PLCL1: variants seen among roughly 807,000 people sequenced by gnomAD.
PLCL1 encodes the protein phospholipase C like 1 (inactive).
PLCL1 carries 41 observed loss-of-function variants against 84.4 expected under a neutral mutation model. The observed-to-expected ratio is 0.49, with a 90% CI of 0.38 to 0.63. The LOEUF (loss-of-function observed/expected upper bound fraction) is 0.63, where lower values mean the gene tolerates loss of function less well. PLCL1 is among the 30% of genes least tolerant of loss of function. The probability of loss-of-function intolerance (pLI) is 0.00; values close to 1 mark genes in which losing one functional copy is unlikely to be tolerated. For missense variants in PLCL1, 1,206 were observed against 1,367.8 expected (o/e 0.88, Z 1.87); for synonymous variants, 490 against 488.3 (o/e 1.00, Z -0.05).
intron 1 of PLCL1, among the ~76,000 whole-genome samples, chr2:198,053,663 C>T (rs907219815): frequency 1.4e-4 from 22 of 152,106 alleles, no homozygotes; most frequent in Admixed American, 5.9e-4. Flanking sequence ...CAGTCCATTT[C>T]GGTAATCTAG....
chr2:198,135,058 G>C (rs1264297087), intron 5 of PLCL1, among the ~76,000 whole-genome samples: 1 of 152,114 alleles, frequency 6.6e-6, no homozygotes, highest in Non-Finnish European at 1.5e-5. Flanking sequence ...TAACTATCTT[G>C]ATAGCCTTTG....
intron 3 of PLCL1, among the ~76,000 whole-genome samples, chr2:198,097,375 C>CT (rs368254121): frequency 5.3e-5 from 8 of 151,716 alleles, no homozygotes; most frequent in African/African-American, 1.5e-4. Context: ...TTCAGGTTGG[C>CT]TTTTTTTTGT....
chr2:197,822,847 GA>G (rs1316169953), intron 1 of PLCL1, among the ~76,000 whole-genome samples: 1 of 151,818 alleles, frequency 6.6e-6, no homozygotes, highest in African/African-American at 2.4e-5. Flanking sequence ...TGTTTTTCTG[GA>G]AAAAAATACA....
chr2:198,057,666 G>C (rs1692100398), intron 1 of PLCL1, among the ~76,000 whole-genome samples: 1 of 152,134 alleles, frequency 6.6e-6, no homozygotes, highest in African/African-American at 2.4e-5. Context: ...AGATCTGCCT[G>C]ACAAAGTCTA....
intron 1 of PLCL1, among the ~76,000 whole-genome samples, chr2:197,898,961 C>T (rs1197698270): frequency 6.6e-6 from 1 of 152,132 alleles, no homozygotes; most frequent in Non-Finnish European, 1.5e-5. Flanking sequence ...TTCTTATTGC[C>T]ATCACCTCAA....
rs1384578048 is a variant in PLCL1, at chr2:198,005,914, A to G, written c.241-77844A>G. On this transcript the variant is annotated intron_variant, in intron 1 of 5. Coordinates refer to ENST00000428675, the MANE Select transcript of PLCL1 (RefSeq NM_006226.4). ...TCCTTTTCTAATTAAAAAAATGGGG[A>G]CATCCACATCTTGATAACACAGTTA... is the stretch of plus-strand genomic sequence containing the variant. 7.2e-5 allele frequency among the ~76,000 whole-genome samples: 11 copies of G among 152,314 alleles called. No individual in the cohort carries two copies. The South Asian group carries it at 8.3e-4, about 11-fold the overall frequency.
At chr2:197,908,461 T>G (rs1319684194) in intron 1 of PLCL1, among the ~76,000 whole-genome samples, 1 of 152,258 alleles carries the variant, frequency 6.6e-6, no homozygotes, top group Non-Finnish European at 1.5e-5. Flanking sequence ...CCAGTGATCC[T>G]TTTGATGTCT....
chr2:198,084,788 G>A lies in PLCL1; in HGVS notation c.1271G>A (p.Gly424Glu). 2 of 1,614,036 alleles carry A rather than the reference G, an allele frequency of 1.2e-6. No individual in the cohort carries two copies. The highest frequency in any genetic ancestry group is 1.7e-6 in the Non-Finnish European group (2 of 1,179,964). ...NTYLIEDQFR[G>E]PADINGYIRA... is the part of the protein sequence containing the mutation. ...TATCTAATAGAAGACCAGTTCAGGG[G>A]GCCAGCTGACATCAATGGGTACATT... Residue 424 changes from glycine (G) to glutamate (E), a missense_variant, in exon 2 of 6, where the codon GGG (glycine) becomes GAG (glutamate). Transcript: ENST00000428675.
At chr2:198,101,233 A>C (rs1448546530) in intron 3 of PLCL1, 52 bp from the exon 4 acceptor site, 12 of 1,052,834 alleles carry the variant, frequency 1.1e-5, no homozygotes, top group African/African-American at 3.2e-5. Flanking sequence ...CTTCCCAATG[A>C]GCCAGTTCAA....
rs545712939 is a variant in PLCL1, at chr2:197,893,016, T to C, written c.240+87677T>C. The stretch of plus-strand genomic sequence containing the variant: ...CAAAACAAAAAACAACAAAAAAACC[T>C]GAAAAACGCTTTTGAGTAGGAGGAA... On this transcript the variant is annotated intron_variant, in intron 1 of 5. Coordinates refer to ENST00000428675, the MANE Select transcript of PLCL1 (RefSeq NM_006226.4). Among the ~76,000 whole-genome samples, 4 of 152,150 alleles carry C rather than the reference T, an allele frequency of 2.6e-5. No homozygotes were observed. In the South Asian group the frequency reaches 8.3e-4, roughly 32 times the overall value.
At chr2:197,882,026 T>A (rs933448350) in intron 1 of PLCL1, among the ~76,000 whole-genome samples, 1 of 152,160 alleles carries the variant, frequency 6.6e-6, no homozygotes, top group East Asian at 1.9e-4. Context: ...TGGTTTTGAA[T>A]AAATGAATGA....
chr2:197,920,660 C>G (rs1688683724), intron 1 of PLCL1, among the ~76,000 whole-genome samples: 1 of 152,132 alleles, frequency 6.6e-6, no homozygotes, highest in African/African-American at 2.4e-5. Flanking sequence ...CAGACAGTGT[C>G]TAGTGTAAAA....
At chr2:197,904,842 A>G (rs1315740090) in intron 1 of PLCL1, among the ~76,000 whole-genome samples, 2 of 152,216 alleles carry the variant, frequency 1.3e-5, no homozygotes, top group African/African-American at 4.8e-5. Context: ...AAAAATTTCA[A>G]TCTTAAGAAT....
rs1007308426 is a variant in PLCL1, at chr2:197,931,200, T to C, written c.240+125861T>C. On this transcript the variant is annotated intron_variant, in intron 1 of 5. Coordinates refer to ENST00000428675, the MANE Select transcript of PLCL1 (RefSeq NM_006226.4). ...ATAGAGCCTAAGAAGCAGTATCTATTGCTAGCAAGAAAGCCTGGGCTCCCT... is the reference window on the plus strand; with the variant it reads ...ATAGAGCCTAAGAAGCAGTATCTATCGCTAGCAAGAAAGCCTGGGCTCCCT... 3.3e-5 allele frequency among the ~76,000 whole-genome samples: 5 copies of C among 152,342 alleles called. No individual in the cohort carries two copies. In the South Asian group the frequency reaches 6.2e-4, roughly 19 times the overall value.
At chr2:197,936,849 C>A (rs1689064702) in intron 1 of PLCL1, among the ~76,000 whole-genome samples, 1 of 152,134 alleles carries the variant, frequency 6.6e-6, no homozygotes, top group Non-Finnish European at 1.5e-5. Context: ...ACAAAAAAAT[C>A]ATTGCCTAGA....
At chr2:197,950,085 T>C (rs913032207) in intron 1 of PLCL1, among the ~76,000 whole-genome samples, 2 of 152,268 alleles carry the variant, frequency 1.3e-5, no homozygotes, top group East Asian at 3.9e-4. Flanking sequence ...CATTATAACA[T>C]TTTGGATAGC....
intron 4 of PLCL1, 38 bp downstream of exon 4, chr2:198,101,398 T>G (rs1402473853): frequency 3.5e-6 from 4 of 1,137,202 alleles, no homozygotes; most frequent in Non-Finnish European, 5.1e-6. Flanking sequence ...TTTTTTTTTC[T>G]ATTTTGTTTG....
chr2:198,043,297 G>A (rs560121929), intron 1 of PLCL1, among the ~76,000 whole-genome samples: 1 of 152,328 alleles, frequency 6.6e-6, no homozygotes, highest in African/African-American at 2.4e-5. Context: ...AAAGACTTTA[G>A]TTTCAGGACA....
At chr2:198,065,858 C>T (rs1438600189) in intron 1 of PLCL1, among the ~76,000 whole-genome samples, 1 of 152,154 alleles carries the variant, frequency 6.6e-6, no homozygotes, top group South Asian at 2.1e-4. Flanking sequence ...TTATATTATG[C>T]CATTTTTACA....
Sources: gnomAD v4.1 joint callset for allele counts (sites outside exome capture counted in the v4.1 genomes callset) on GRCh38, gnomAD v4.1.1 for gene constraint, MANE v1.5 for transcripts, NCBI Gene and HGNC (gene_info 2026-07-23, HGNC 2026-07-21) for gene names.